CELF2: variants seen among roughly 807,000 people sequenced by gnomAD.
CELF2 encodes the protein CUGBP Elav-like family member 2.
A neutral mutation model predicts 62.6 loss-of-function variants in CELF2; 8 were observed. The ratio of observed to expected loss-of-function variants is 0.13; its 90% CI spans 0.07 to 0.23. CELF2 has a LOEUF of 0.23. Ranked by LOEUF, CELF2 falls within the 10% of genes least tolerant of loss-of-function variation. CELF2 has a pLI of 1.00. For missense variants in CELF2, 333 were observed against 671.0 expected, an observed-to-expected ratio of 0.50 and a Z score of 5.56; for synonymous variants, 258 against 250.0, an observed-to-expected ratio of 1.03 and a Z score of -0.30.
At chr10:11,041,628 T>C (rs941360464) in intron 1 of CELF2, among the ~76,000 whole-genome samples, 8 of 152,216 alleles carry the variant, frequency 5.3e-5, no homozygotes, top group African/African-American at 1.9e-4. Context: ...TCATTCGTAG[T>C]TTCTGATGAG....
At position 11,333,752 on chromosome 10, in the gene CELF2, A is replaced by G. The variant is rs1566063716; in HGVS notation, c.*4699A>G. On this transcript the variant is annotated 3_prime_UTR_variant, in exon 13 of 13. Coordinates refer to ENST00000633077, the MANE Select transcript of CELF2 (RefSeq NM_001326342.2). ...GTGGAAACTGTAAGACCATTTGAGT[A>G]TTGTTTGTTTTATTGATGCATTTGG... 1 of 152,474 alleles carries G rather than the reference A, an allele frequency of 6.6e-6. No homozygotes were observed. Among genetic ancestry groups the G allele is most frequent in the Non-Finnish European group, 1.5e-5 (1 of 68,022 alleles). The allele number at this position is 152,474 out of a possible 1,614,324, so 9.4% of individuals were successfully genotyped here.
At chr10:11,133,977 G>A (rs906627922) in intron 1 of CELF2, among the ~76,000 whole-genome samples, 5 of 152,134 alleles carry the variant, frequency 3.3e-5, no homozygotes, top group Non-Finnish European at 7.4e-5. Context: ...GTTGTCTTTC[G>A]TTTGTCACAA....
chr10:11,219,542 T>C (rs2064213516), intron 3 of CELF2, among the ~76,000 whole-genome samples: 1 of 152,200 alleles, frequency 6.6e-6, no homozygotes, highest in Non-Finnish European at 1.5e-5. Flanking sequence ...TTGAAGGAAT[T>C]TGAAAAGTCA....
intron 1 of CELF2, among the ~76,000 whole-genome samples, chr10:11,122,762 A>C (rs556050765): frequency 1.3e-5 from 2 of 152,382 alleles, no homozygotes; most frequent in African/African-American, 4.8e-5. Flanking sequence ...AATTATAGCC[A>C]AGCTCAATTT....
the CELF2 span, among the ~76,000 whole-genome samples, chr10:10,690,542 T>C: frequency 6.6e-6 from 1 of 152,090 alleles, no homozygotes; most frequent in Non-Finnish European, 1.5e-5. Flanking sequence ...TACACAATGG[T>C]TGACAACAGT....
chr10:11,019,706 C>T (rs2057996725), intron 1 of CELF2, among the ~76,000 whole-genome samples: 1 of 152,004 alleles, frequency 6.6e-6, no homozygotes, highest in Admixed American at 6.5e-5. Context: ...TCATCTTTTC[C>T]GTATTCTGTT....
At chr10:11,124,431 A>T (rs560079991) in intron 1 of CELF2, among the ~76,000 whole-genome samples, 1 of 152,320 alleles carries the variant, frequency 6.6e-6, no homozygotes, top group South Asian at 2.1e-4. Flanking sequence ...ATGGGATGGG[A>T]TAAAGGTTGC....
At chr10:11,127,020 A>G (rs1242943162) in intron 1 of CELF2, among the ~76,000 whole-genome samples, 1 of 151,746 alleles carries the variant, frequency 6.6e-6, no homozygotes, top group Admixed American at 6.6e-5. Context: ...TATATTAGGT[A>G]TTTCTCCTAA....
chr10:11,067,115 A>T (rs961295056), intron 1 of CELF2, among the ~76,000 whole-genome samples: 8 of 152,154 alleles, frequency 5.3e-5, no homozygotes, highest in African/African-American at 1.9e-4. Context: ...TTTTAGCGAC[A>T]TCATCTCATG....
the CELF2 span, among the ~76,000 whole-genome samples, chr10:10,481,076 AG>A: frequency 6.6e-6 from 1 of 152,178 alleles, no homozygotes; most frequent in African/African-American, 2.4e-5. Flanking sequence ...GGGTAAAAAA[AG>A]ATCTTGCTCA....
the CELF2 span, among the ~76,000 whole-genome samples, chr10:10,554,336 A>G: frequency 6.6e-6 from 1 of 152,080 alleles, no homozygotes; most frequent in Non-Finnish European, 1.5e-5. Flanking sequence ...AGCAGAGAGC[A>G]TGCGTTCCTG....
At chr10:10,662,644 T>C in the CELF2 span, among the ~76,000 whole-genome samples, 1 of 152,140 alleles carries the variant, frequency 6.6e-6, no homozygotes, top group African/African-American at 2.4e-5. Flanking sequence ...ATGACCCTGG[T>C]CTTTGGAGCA....
the CELF2 span, among the ~76,000 whole-genome samples, chr10:10,544,592 A>G: frequency 3.3e-5 from 5 of 152,278 alleles, no homozygotes; most frequent in African/African-American, 1.2e-4. Flanking sequence ...TACTACTAGT[A>G]TTATCCATTA....
At chr10:10,920,188 T>C (rs1373252160) in intron 2 of CELF2, among the ~76,000 whole-genome samples, 1 of 152,226 alleles carries the variant, frequency 6.6e-6, no homozygotes, top group African/African-American at 2.4e-5. Context: ...AACCAGGAAG[T>C]AATGAGGCTC....
intron 1 of CELF2, among the ~76,000 whole-genome samples, chr10:11,125,833 A>G (rs970249489): frequency 5.3e-5 from 8 of 152,146 alleles, no homozygotes; most frequent in African/African-American, 1.7e-4. Context: ...CTTAATTTAT[A>G]TGTCTGCTGT....
rs1221605994 is a variant in CELF2 at position 11,108,305 on chromosome 10, GT to G, written c.75-57177del. ...GAAAATTAGATACTTGCATGAATTA[GT>G]TTTATAATCTACATGAATGGGATTG... On this transcript the variant is annotated intron_variant, in intron 1 of 12. Coordinates refer to ENST00000633077, the MANE Select transcript of CELF2 (RefSeq NM_001326342.2). 4.6e-5 allele frequency among the ~76,000 whole-genome samples: 7 copies of G among 150,858 alleles called. 1 individual carries two copies. Among genetic ancestry groups the G allele is most frequent in the Non-Finnish European group, 8.8e-5 (6 of 67,838 alleles).
intron 2 of CELF2, among the ~76,000 whole-genome samples, chr10:10,942,543 A>T (rs1346948399): frequency 6.6e-6 from 1 of 152,212 alleles, no homozygotes; most frequent in Non-Finnish European, 1.5e-5. Context: ...AACAAGAGAG[A>T]GAATAAGATC....
At chr10:10,638,259 T>A in the CELF2 span, among the ~76,000 whole-genome samples, 1 of 152,216 alleles carries the variant, frequency 6.6e-6, no homozygotes, top group African/African-American at 2.4e-5. Flanking sequence ...GTATCCCAAG[T>A]TGTGCTGAAG....
chr10:11,034,204 G>A (rs1048526212), intron 1 of CELF2, among the ~76,000 whole-genome samples: 1 of 152,310 alleles, frequency 6.6e-6, no homozygotes, highest in African/African-American at 2.4e-5. Context: ...TGAAGAAAGA[G>A]CTGTACTTCT....
Sources: gnomAD v4.1 joint callset for allele counts (sites outside exome capture counted in the v4.1 genomes callset) on GRCh38, gnomAD v4.1.1 for gene constraint, MANE v1.5 for transcripts, NCBI Gene and HGNC (gene_info 2026-07-23, HGNC 2026-07-21) for gene names.